TANC2: variants seen among roughly 807,000 people sequenced by gnomAD.
The protein encoded by TANC2 is tetratricopeptide repeat, ankyrin repeat and coiled-coil containing 2, also known as protein TANC2.
In TANC2, 26 loss-of-function variants were observed where a neutral mutation model predicts 210.5. The observed-to-expected ratio is 0.12, with a 90% CI of 0.09 to 0.17. The LOEUF (loss-of-function observed/expected upper bound fraction) is 0.17. Among genes scored for constraint, TANC2 ranks in the 10% least tolerant of loss-of-function variants. The pLI is 1.00. For synonymous variants in TANC2, 931 were observed against 967.1 expected, an observed-to-expected ratio of 0.96 and a Z score of 0.69; for missense variants, 2,129 against 2,608.9, an observed-to-expected ratio of 0.82 and a Z score of 4.01.
At chr17:63,290,592 A>G (rs1448433342) in intron 9 of TANC2, among the ~76,000 whole-genome samples, 2 of 152,110 alleles carry the variant, frequency 1.3e-5, no homozygotes, top group Non-Finnish European at 2.9e-5. Flanking sequence ...GATTTGCCTC[A>G]TTTGTTTTCC....
At chr17:63,348,385 G>A (rs565917491) in intron 12 of TANC2, among the ~76,000 whole-genome samples, 18 of 152,256 alleles carry the variant, frequency 1.2e-4, no homozygotes, top group Admixed American at 3.9e-4. Context: ...CCTGGTGAAC[G>A]TGTATTTACA....
intron 12 of TANC2, among the ~76,000 whole-genome samples, chr17:63,343,878 A>G (rs549257844): frequency 1.3e-5 from 2 of 152,376 alleles, no homozygotes; most frequent in South Asian, 4.1e-4. Context: ...CTTGGGTAAC[A>G]GAATGAGACC....
intron 4 of TANC2, among the ~76,000 whole-genome samples, chr17:63,128,260 C>G (rs1359495873): frequency 6.6e-6 from 1 of 152,112 alleles, no homozygotes; most frequent in African/African-American, 2.4e-5. Flanking sequence ...GTTTCTAACA[C>G]ATAGGATAAA....
intron 7 of TANC2, among the ~76,000 whole-genome samples, chr17:63,217,507 T>C (rs952621707): frequency 2.6e-5 from 4 of 152,352 alleles, no homozygotes; most frequent in Admixed American, 2.6e-4. Flanking sequence ...ACAATTTAGA[T>C]TAAATGGACA....
chr17:63,042,566 CTG>C (rs767509498), intron 2 of TANC2, among the ~76,000 whole-genome samples: 1 of 151,962 alleles, frequency 6.6e-6, no homozygotes, highest in Non-Finnish European at 1.5e-5. Flanking sequence ...GAGGGAATGA[CTG>C]TTGTATAAGC....
intron 9 of TANC2, among the ~76,000 whole-genome samples, chr17:63,268,556 C>A (rs1648263656): frequency 6.6e-6 from 1 of 152,056 alleles, no homozygotes; most frequent in African/African-American, 2.4e-5. Flanking sequence ...ACTTCTGATC[C>A]CAAGCATTTT....
At chr17:63,123,512 T>C (rs1421246770) in intron 4 of TANC2, among the ~76,000 whole-genome samples, 1 of 150,588 alleles carries the variant, frequency 6.6e-6, no homozygotes, top group African/African-American at 2.4e-5. Flanking sequence ...TGAGCCGAGA[T>C]TGCGCCACTG....
chr17:63,237,065 CTG>C (rs1381809782), intron 7 of TANC2, among the ~76,000 whole-genome samples: 4 of 152,092 alleles, frequency 2.6e-5, no homozygotes, highest in African/African-American at 9.7e-5. Context: ...TGAGAAATCT[CTG>C]TATTTTCCTT....
chr17:63,215,004 T>C (rs2041986877), intron 7 of TANC2, among the ~76,000 whole-genome samples: 1 of 152,224 alleles, frequency 6.6e-6, no homozygotes, highest in African/African-American at 2.4e-5. Context: ...AGGTCCTTGC[T>C]GCTCCATGTA....
In TANC2 at chr17:63,372,617, G is replaced by A. The variant is rs116678828; in HGVS notation, c.2583-7101G>A. ...CTTACCACAGTCCTGAGAGGTAGAT[G>A]TTACTATCCCTGTCTCACAAAGAGG... On this transcript the variant is annotated intron_variant, in intron 14 of 27. Coordinates refer to ENST00000689528, the Ensembl canonical transcript of TANC2. Among the ~76,000 whole-genome samples the A allele has an allele frequency of 5.5e-3, 836 of 152,300 alleles. 7 individuals are homozygous for A. The highest frequency in any genetic ancestry group is 0.018 in the African/African-American group (744 of 41,556).
chr17:63,409,735 G>A (rs1389293402), intron 21 of TANC2, among the ~76,000 whole-genome samples: 2 of 152,162 alleles, frequency 1.3e-5, no homozygotes, highest in African/African-American at 2.4e-5. Context: ...CTGAGTTACT[G>A]TAAACAGTTG....
In TANC2 at chr17:63,098,464, ACACACACACACACACATACACTCTCT is replaced by A. The variant is rs1567720887; in HGVS notation, c.140-709_140-684del. On this transcript the variant is annotated intron_variant, in intron 3 of 27. Coordinates refer to ENST00000689528, the Ensembl canonical transcript of TANC2. ...CACACACACACACACACACACACAC[ACACACACACACACACATACACTCTCT>A]CTCTCTCTCTCTCTCTCTCTGTGTG... Among the ~76,000 whole-genome samples, 27 of 38,254 alleles carry A rather than the reference ACACACACACACACACATACACTCTCT, an allele frequency of 7.1e-4. 2 individuals carry two copies. Among genetic ancestry groups the A allele is most frequent in the African/African-American group, 4.7e-3 (26 of 5,490 alleles). The allele number at this position is 38,254 out of a possible 152,430, so 25.1% of individuals were successfully genotyped here. A position where few individuals can be genotyped will look rare whatever the true frequency, so the allele number is the denominator to read the frequency against.
At chr17:63,146,383 A>ATTTC (rs1285366144) in intron 4 of TANC2, among the ~76,000 whole-genome samples, 2 of 151,994 alleles carry the variant, frequency 1.3e-5, no homozygotes, top group Admixed American at 1.3e-4. Context: ...GATGCCTTGT[A>ATTTC]TTTCTTTTTC....
At chr17:63,099,297 T>A in exon 4 of TANC2, 1 of 1,571,338 alleles carries the variant, frequency 6.4e-7, no homozygotes, top group Non-Finnish European at 8.6e-7. Flanking sequence ...TCTTCCATCC[T>A]CCCCCTTACT....
intron 8 of TANC2, among the ~76,000 whole-genome samples, chr17:63,252,876 G>A (rs1372855297): frequency 6.6e-6 from 1 of 151,946 alleles, no homozygotes; most frequent in Non-Finnish European, 1.5e-5. Flanking sequence ...CAATTACCCA[G>A]TCTTCTGTTG....
exon 10 of TANC2, chr17:63,314,552 A>T: frequency 6.2e-7 from 1 of 1,613,950 alleles, no homozygotes; most frequent in Non-Finnish European, 8.5e-7. Flanking sequence ...AGGAGTAGTG[A>T]TTGTGGGAAA....
At chr17:63,368,278 T>C (rs1203832465) in intron 14 of TANC2, among the ~76,000 whole-genome samples, 1 of 152,204 alleles carries the variant, frequency 6.6e-6, no homozygotes, top group African/African-American at 2.4e-5. Flanking sequence ...AACAGGCTTA[T>C]GGGGAGAAAG....
At chr17:63,246,733 A>C (rs888021623) in intron 8 of TANC2, among the ~76,000 whole-genome samples, 1 of 151,998 alleles carries the variant, frequency 6.6e-6, no homozygotes, top group Non-Finnish European at 1.5e-5. Context: ...ATTGTTTCCA[A>C]TTTTGGTCTA....
At chr17:63,350,781 A>G (rs1456717495) in intron 12 of TANC2, among the ~76,000 whole-genome samples, 2 of 151,360 alleles carry the variant, frequency 1.3e-5, no homozygotes, top group South Asian at 2.1e-4. Context: ...ATGCAGTCCT[A>G]TATACTGTTT....
Sources: allele counts gnomAD v4.1 joint callset (sites outside exome capture counted in the v4.1 genomes callset), GRCh38; gene constraint gnomAD v4.1.1; transcripts MANE v1.5; gene names NCBI Gene and HGNC (gene_info 2026-07-23, HGNC 2026-07-21).